The following SLC1A6 variants were observed in gnomAD, a reference collection of about 807,000 sequenced individuals.
The protein encoded by SLC1A6 is excitatory amino acid transporter 4.
In SLC1A6, 15 loss-of-function variants were observed where a neutral mutation model predicts 42.1. That is an observed-to-expected ratio of 0.36 (90% confidence interval 0.24 to 0.55). The LOEUF is 0.55. SLC1A6 is among the 20% of genes least tolerant of loss of function. The pLI is 0.88. For missense variants in SLC1A6, 542 were observed against 772.5 expected (o/e 0.70, Z 3.54); for synonymous variants, 317 against 319.7 (o/e 0.99, Z 0.09).
At chr19:15,003,306 G>T (rs2045880926) in intron 1 of SLC1A6, among the ~76,000 whole-genome samples, 2 of 152,144 alleles carry the variant, frequency 1.3e-5, no homozygotes, top group African/African-American at 2.4e-5. Flanking sequence ...GGACTGACCA[G>T]GGGTACAGCC....
intron 1 of SLC1A6, chr19:14,975,126 G>A (rs1280213918): frequency 2.1e-5 from 3 of 142,046 alleles, no homozygotes; most frequent in East Asian, 2.1e-4. Context: ...TAGTAGAATT[G>A]TATTAGAGGC....
upstream of SLC1A6, among the ~76,000 whole-genome samples, chr19:14,983,516 C>T (rs1236671542): frequency 6.6e-6 from 1 of 151,650 alleles, no homozygotes; most frequent in African/African-American, 2.4e-5. Context: ...TGAGACTCCC[C>T]CATCTCCACA....
At chr19:14,964,831 C>G (rs1056172234) in intron 4 of SLC1A6, among the ~76,000 whole-genome samples, 5 of 152,086 alleles carry the variant, frequency 3.3e-5, no homozygotes, top group South Asian at 4.1e-4. Flanking sequence ...TTCTGTGTGG[C>G]AAAAATCTTG....
intron 1 of SLC1A6, among the ~76,000 whole-genome samples, chr19:14,994,233 C>T (rs556500674): frequency 3.9e-5 from 6 of 152,060 alleles, no homozygotes; most frequent in Admixed American, 2.0e-4. Flanking sequence ...ATGGGAAGCC[C>T]TTACAGGAGG....
chr19:14,970,636 A>G (rs1271040812), intron 3 of SLC1A6, among the ~76,000 whole-genome samples: 1 of 151,926 alleles, frequency 6.6e-6, no homozygotes, highest in Non-Finnish European at 1.5e-5. Flanking sequence ...GCATGAACCC[A>G]GGAGGCGGTG....
chr19:15,009,368 A>G lies in SLC1A6; in HGVS notation c.6+1117T>C, dbSNP rs546461418. ...TATATATAGCATATATGTCACATGT[A>G]TGTGCTCTATATATAGCAGATATAT... On this transcript the variant is annotated intron_variant, in intron 1 of 8. Coordinates refer to the SLC1A6 transcript ENST00000430939. 5.4e-4 allele frequency among the ~76,000 whole-genome samples: 82 copies of G among 152,252 alleles called. 1 individual carries two copies. Among genetic ancestry groups the G allele is most frequent in the African/African-American group, 1.9e-3 (80 of 41,550 alleles).
chr19:14,995,326 CAAA>C (rs1173848535), intron 1 of SLC1A6, among the ~76,000 whole-genome samples: 13 of 53,028 alleles, frequency 2.5e-4, no homozygotes, highest in African/African-American at 3.0e-4. Flanking sequence ...ACTCCATCTC[CAAA>C]AAAAAAAAAA....
At chr19:14,980,020 G>A (rs1342062793), upstream of SLC1A6, 1 of 152,336 alleles carries the variant, frequency 6.6e-6, no homozygotes, top group East Asian at 1.9e-4. Context: ...GGCACCGCGG[G>A]ACCCGCTCCA....
chr19:15,004,913 C>T (rs953950754), intron 1 of SLC1A6, among the ~76,000 whole-genome samples: 4 of 152,216 alleles, frequency 2.6e-5, no homozygotes, highest in Middle Eastern at 3.4e-3. Context: ...CAGACACACG[C>T]AGGTGAATCA....
chr19:14,954,444 T>TG, intron 7 of SLC1A6, 115 bp from the exon 8 acceptor site: 1 of 932,584 alleles, frequency 1.1e-6, no homozygotes, highest in South Asian at 1.4e-5. Context: ...GAAGAAAGGC[T>TG]GGGGAACAGG....
chr19:14,964,976 G>A (rs1036720157), intron 4 of SLC1A6, among the ~76,000 whole-genome samples: 1 of 152,028 alleles, frequency 6.6e-6, no homozygotes, highest in African/African-American at 2.4e-5. Context: ...CACTGCTGGT[G>A]GGGATGTAAA....
intron 1 of SLC1A6, among the ~76,000 whole-genome samples, chr19:14,991,691 CA>C (rs375454304): frequency 2.7e-5 from 4 of 150,194 alleles, no homozygotes; most frequent in Non-Finnish European, 5.9e-5. Flanking sequence ...AAAGGAGTAC[CA>C]AAAAAACCTC....
At chr19:14,953,999 C>T (rs983990163) in intron 8 of SLC1A6, 136 bp downstream of exon 8, 2 of 756,512 alleles carry the variant, frequency 2.6e-6, no homozygotes, top group Non-Finnish European at 2.1e-6. Context: ...TTGGGCTCTT[C>T]CCACATCCCG....
intron 1 of SLC1A6, among the ~76,000 whole-genome samples, chr19:14,993,947 G>T (rs999881585): frequency 1.3e-5 from 2 of 152,134 alleles, no homozygotes; most frequent in Non-Finnish European, 2.9e-5. Context: ...GCAACAGAAT[G>T]CTTGGGTGCA....
chr19:14,959,541 G>C (rs968868030), intron 6 of SLC1A6, among the ~76,000 whole-genome samples: 7 of 152,188 alleles, frequency 4.6e-5, no homozygotes. Flanking sequence ...CAAGCATTCT[G>C]TTTCTAAATA....
chr19:14,951,165 T>A (rs545176785), intron 9 of SLC1A6, among the ~76,000 whole-genome samples: 3 of 129,042 alleles, frequency 2.3e-5, no homozygotes, highest in South Asian at 2.5e-4. Flanking sequence ...GGCAGGAGAA[T>A]CACTTGAACC....
At chr19:14,956,863 C>A (rs1209633986) in intron 6 of SLC1A6, among the ~76,000 whole-genome samples, 154 bp from the exon 7 acceptor site, 1 of 152,114 alleles carries the variant, frequency 6.6e-6, no homozygotes, top group Admixed American at 6.6e-5. Flanking sequence ...TCCCCGTACA[C>A]TAATGAATGC....
chr19:14,955,870 G>A (rs929993889), intron 7 of SLC1A6, among the ~76,000 whole-genome samples: 13 of 151,926 alleles, frequency 8.6e-5, no homozygotes, highest in African/African-American at 3.1e-4. Context: ...AAGAGGCGGA[G>A]CTTGCAGTGA....
In SLC1A6 at chr19:14,962,038, T is replaced by C. The variant is rs559160026; in HGVS notation, c.899A>G (p.Asn300Ser). ...RVLRDFFDSL[N>S]EAIMRLVGII... ...GCCCACCAGCCTCATAATAGCCTCATTGAGGCTGTCGAAGAAGTCCCTGAG... is the reference window on the plus strand; with the variant it reads ...GCCCACCAGCCTCATAATAGCCTCACTGAGGCTGTCGAAGAAGTCCCTGAG... The change falls in exon 6 of 10, where the codon AAT becomes AGT. Residue 300 changes from asparagine (N) to serine (S), a missense_variant. Asn to Ser is a conservative substitution (Grantham distance 46). Transcript: ENST00000594383. 8.7e-6 allele frequency: 14 copies of C among 1,613,718 alleles called. No individual in the cohort carries two copies. Among genetic ancestry groups the C allele is most frequent in the East Asian group, 6.7e-5 (3 of 44,878 alleles).
Sources: gnomAD v4.1 joint callset for allele counts (sites outside exome capture counted in the v4.1 genomes callset) on GRCh38, gnomAD v4.1.1 for gene constraint, MANE v1.5 for transcripts, NCBI Gene and HGNC (gene_info 2026-07-23, HGNC 2026-07-21) for gene names.